The following TEAD1 variants were observed in gnomAD, a reference collection of about 807,000 sequenced individuals.
TEAD1 encodes the protein transcriptional enhancer factor TEF-1.
Under a neutral mutation model 54.9 loss-of-function variants are expected in TEAD1, and 9 were observed. The ratio of observed to expected loss-of-function variants is 0.16; its 90% confidence interval spans 0.10 to 0.29. TEAD1 has a LOEUF of 0.29. Among genes scored for constraint, TEAD1 ranks in the 10% least tolerant of loss-of-function variants. The pLI is 1.00. For synonymous variants in TEAD1, 200 were observed against 187.8 expected, an observed-to-expected ratio of 1.07 and a Z score of -0.53; for missense variants, 387 against 535.9, an observed-to-expected ratio of 0.72 and a Z score of 2.74.
chr11:12,695,735 C>G (rs970179304), intron 2 of TEAD1, among the ~76,000 whole-genome samples: 1 of 152,146 alleles, frequency 6.6e-6, no homozygotes, highest in African/African-American at 2.4e-5. Flanking sequence ...AAGGAAGGGG[C>G]CTCACTTAAC....
chr11:12,808,675 C>T (rs1240683862), intron 3 of TEAD1, among the ~76,000 whole-genome samples: 4 of 152,106 alleles, frequency 2.6e-5, no homozygotes, highest in Non-Finnish European at 5.9e-5. Flanking sequence ...TTCTTTGAGA[C>T]AGTAGGGAAA....
intron 2 of TEAD1, 124 bp downstream of exon 2, chr11:12,675,685 C>T (rs1158753430): frequency 6.6e-6 from 1 of 152,156 alleles, no homozygotes; most frequent in Non-Finnish European, 1.5e-5. Context: ...AGTCCAGAGT[C>T]CCGCTTTAAA....
At position 12,812,390 on chromosome 11, in the gene TEAD1, A is replaced by G. The variant is rs182972781; in HGVS notation, c.202+47956A>G. Among the ~76,000 whole-genome samples, 123 of 152,294 alleles carry G rather than the reference A, an allele frequency of 8.1e-4. No homozygotes were observed. The East Asian group carries it at 0.019, about 24-fold the overall frequency. On this transcript the variant is annotated intron_variant, in intron 3 of 12. Coordinates refer to ENST00000527636, the MANE Select transcript of TEAD1 (RefSeq NM_021961.6). ...TTAGAATCCCAAAAAGGTGATGGTT[A>G]AAAGAGTACTTAACTATTTGCTGGT...
At chr11:12,817,347 C>T (rs761107971) in intron 3 of TEAD1, among the ~76,000 whole-genome samples, 10 of 152,134 alleles carry the variant, frequency 6.6e-5, no homozygotes, top group Non-Finnish European at 1.0e-4. Flanking sequence ...AATAAATGGC[C>T]AGCATTTGAG....
At chr11:12,679,116 G>C (rs930449420) in intron 2 of TEAD1, among the ~76,000 whole-genome samples, 1 of 152,050 alleles carries the variant, frequency 6.6e-6, no homozygotes, top group African/African-American at 2.4e-5. Context: ...CTTCTTGATT[G>C]GATAATGGTA....
rs75447103 is a variant in TEAD1, at chr11:12,785,279, C to G, written c.202+20845C>G. On this transcript the variant is annotated intron_variant, in intron 3 of 12. Transcript: ENST00000527636. ...TCTGGAGAGATCAGCCCAGCCTCCTCAGTTTTCAGATTGGAAGCTGCTGCC... is the reference window on the plus strand; with the variant it reads ...TCTGGAGAGATCAGCCCAGCCTCCTGAGTTTTCAGATTGGAAGCTGCTGCC... Among the ~76,000 whole-genome samples, 1,196 of 152,246 alleles carry G rather than the reference C, an allele frequency of 7.9e-3. 15 individuals carry two copies. The highest frequency in any genetic ancestry group is 0.028 in the African/African-American group (1,143 of 41,538).
chr11:12,813,418 T>A (rs1325448123), intron 3 of TEAD1, among the ~76,000 whole-genome samples: 1 of 152,230 alleles, frequency 6.6e-6, no homozygotes, highest in Non-Finnish European at 1.5e-5. Context: ...GTGGATCATC[T>A]TCTGCCCTTC....
intron 5 of TEAD1, among the ~76,000 whole-genome samples, chr11:12,867,466 C>A (rs148338222): frequency 6.6e-6 from 1 of 152,286 alleles, no homozygotes; most frequent in South Asian, 2.1e-4. Context: ...ACTCTGAGGG[C>A]ATTAGGACAG....
intron 2 of TEAD1, among the ~76,000 whole-genome samples, chr11:12,679,151 AG>A (rs900448555): frequency 1.4e-4 from 22 of 152,140 alleles, no homozygotes; most frequent in African/African-American, 5.3e-4. Flanking sequence ...GGTGGGGAGT[AG>A]GGGGAAGGTC....
chr11:12,847,099 C>T (rs924940810), intron 3 of TEAD1, among the ~76,000 whole-genome samples: 1 of 152,196 alleles, frequency 6.6e-6, no homozygotes, highest in African/African-American at 2.4e-5. Flanking sequence ...CCTGCGGCTT[C>T]CCCCTCCCTT....
Position 12,868,282 on chromosome 11 carries a change from C to G in TEAD1, c.330+3382C>G, listed in dbSNP as rs1003525562. On this transcript the variant is annotated intron_variant, in intron 5 of 12. Coordinates refer to ENST00000527636, the MANE Select transcript of TEAD1 (RefSeq NM_021961.6). ...ACTCCCTCAAATCCTTAGTAATGGC[C>G]TCTTAGGCTATTCCATTGAATCAGG... Among the ~76,000 whole-genome samples the G allele has an allele frequency of 3.3e-5, 5 of 152,286 alleles. No homozygotes were observed. The South Asian group carries it at 1.0e-3, about 32-fold the overall frequency.
chr11:12,840,832 G>A (rs1401805969), intron 3 of TEAD1, among the ~76,000 whole-genome samples: 1 of 152,182 alleles, frequency 6.6e-6, no homozygotes, highest in Non-Finnish European at 1.5e-5. Context: ...CAGAGTTCTG[G>A]TGGATATTTG....
chr11:12,859,262 C>A (rs1947452129), intron 3 of TEAD1, among the ~76,000 whole-genome samples: 1 of 150,242 alleles, frequency 6.7e-6, no homozygotes, highest in African/African-American at 2.5e-5. Context: ...TGTGTCACAT[C>A]TATCAAGGTA....
chr11:12,857,614 T>TGTGTGTGTGTGTGTGTGTGTGTGTGTGTG (rs1947417461), intron 3 of TEAD1, among the ~76,000 whole-genome samples: 1 of 55,146 alleles, frequency 1.8e-5, no homozygotes, highest in African/African-American at 1.0e-4. Flanking sequence ...GTGTGTGTGT[T>TGTGTGTGTGTGTGTGTGTGTGTGTGTGTG]AGAAGATCAT....
intron 2 of TEAD1, among the ~76,000 whole-genome samples, chr11:12,749,560 A>T (rs1246199110): frequency 6.6e-6 from 1 of 152,012 alleles, no homozygotes; most frequent in African/African-American, 2.4e-5. Flanking sequence ...GGGGGAGGAG[A>T]CTGCTGGCTG....
chr11:12,726,736 T>C (rs533552709), intron 2 of TEAD1, among the ~76,000 whole-genome samples: 1 of 152,290 alleles, frequency 6.6e-6, no homozygotes, highest in Non-Finnish European at 1.5e-5. Flanking sequence ...GCGCCTGTAG[T>C]CCCAGCTACT....
intron 2 of TEAD1, among the ~76,000 whole-genome samples, chr11:12,709,980 A>G (rs532242739): frequency 5.8e-4 from 88 of 151,598 alleles, no homozygotes; most frequent in African/African-American, 2.1e-3. Context: ...ATTTACCTAA[A>G]CAGTAATGAG....
At chr11:12,740,409 G>A (rs1190637052) in intron 2 of TEAD1, among the ~76,000 whole-genome samples, 2 of 152,158 alleles carry the variant, frequency 1.3e-5, no homozygotes, top group African/African-American at 2.4e-5. Flanking sequence ...TTTGGTCTAC[G>A]TAAAATAGGA....
chr11:12,802,735 G>A (rs1946086137), intron 3 of TEAD1, among the ~76,000 whole-genome samples: 1 of 152,196 alleles, frequency 6.6e-6, no homozygotes, highest in African/African-American at 2.4e-5. Context: ...CCAGATATGA[G>A]CGATGTGCCG....
Sources: gnomAD v4.1 joint callset for allele counts (sites outside exome capture counted in the v4.1 genomes callset) on GRCh38, gnomAD v4.1.1 for gene constraint, MANE v1.5 for transcripts, NCBI Gene and HGNC (gene_info 2026-07-23, HGNC 2026-07-21) for gene names.